The following RCC1L variants were observed in gnomAD, a reference collection of about 807,000 sequenced individuals.
RCC1L encodes RCC1-like G exchanging factor-like protein.
RCC1L carries 46 observed loss-of-function variants against 58.6 expected under a neutral mutation model. The ratio of observed to expected loss-of-function variants is 0.79; its 90% CI spans 0.62 to 1.00. The LOEUF (loss-of-function observed/expected upper bound fraction) is 1.00. Among genes scored for constraint, RCC1L ranks in the 50% least tolerant of loss-of-function variants. RCC1L has a pLI of 0.00. For missense variants in RCC1L, 636 were observed against 623.6 expected, an observed-to-expected ratio of 1.02 and a Z score of -0.21; for synonymous variants, 281 against 262.9, an observed-to-expected ratio of 1.07 and a Z score of -0.67.
At chr7:75,035,918 T>C (rs1805422488) in intron 10 of RCC1L, among the ~76,000 whole-genome samples, 1 of 151,834 alleles carries the variant, frequency 6.6e-6, no homozygotes, top group Non-Finnish European at 1.5e-5. Context: ...GACAGGAGGA[T>C]TGCTTGAGCT....
At chr7:75,073,312 C>G in intron 1 of RCC1L, 102 bp downstream of exon 1, 1 of 519,734 alleles carries the variant, frequency 1.9e-6, no homozygotes, top group Non-Finnish European at 3.1e-6. Context: ...GGAAGTCTGT[C>G]CACCCAGAGG....
intron 3 of RCC1L, among the ~76,000 whole-genome samples, chr7:75,066,017 C>CA (rs587689104): frequency 0.85 from 118,167 of 138,908 alleles, 50,097 homozygotes; most frequent in East Asian, 0.9. Flanking sequence ...GACTCTGTCT[C>CA]AAAAAAAAAA....
rs1222011001 is a variant in RCC1L at position 75,072,138 on chromosome 7, T to TTATACA, written c.324+1270_324+1275dup. Among the ~76,000 whole-genome samples, 56 of 76,294 alleles carry TTATACA rather than the reference T, an allele frequency of 7.3e-4. 2 individuals are homozygous for TTATACA. The highest frequency in any genetic ancestry group is 2.0e-3 in the South Asian group (4 of 2,008). 50.1% of individuals were successfully genotyped at this position (76,294 alleles called of 152,430 possible). On this transcript the variant is annotated intron_variant, in intron 1 of 10. Coordinates refer to ENST00000610322, the MANE Select transcript of RCC1L (RefSeq NM_030798.5). ...TTGTACTCTATTTTGTATTTTAAAT[T>TTATACA]TATACATATACATATACATATACAT...
intron 10 of RCC1L, among the ~76,000 whole-genome samples, chr7:75,034,470 C>A (rs965244994): frequency 6.6e-6 from 1 of 152,014 alleles, no homozygotes; most frequent in Non-Finnish European, 1.5e-5. Flanking sequence ...GAGCTGAGAT[C>A]GCGCCACTGC....
downstream of RCC1L, among the ~76,000 whole-genome samples, chr7:75,039,575 G>A (rs1805501980): frequency 6.6e-6 from 1 of 152,166 alleles, no homozygotes; most frequent in Admixed American, 6.6e-5. Flanking sequence ...CAGGGGCGAA[G>A]AGGATGGAAA....
At chr7:75,030,947 CCCCTCA>C (rs1805285428) in intron 10 of RCC1L, among the ~76,000 whole-genome samples, 1 of 152,182 alleles carries the variant, frequency 6.6e-6, no homozygotes, top group African/African-American at 2.4e-5. Flanking sequence ...GAGACCCCTG[CCCCTCA>C]CCCAAACTTT....
chr7:75,045,222 G>A (rs1400142149), intron 10 of RCC1L, among the ~76,000 whole-genome samples: 1 of 151,878 alleles, frequency 6.6e-6, no homozygotes, highest in Non-Finnish European at 1.5e-5. Context: ...ATGTTGCCGA[G>A]GCTGGATTAT....
chr7:75,065,706 C>G (rs1479148034), intron 3 of RCC1L, among the ~76,000 whole-genome samples: 1 of 152,164 alleles, frequency 6.6e-6, no homozygotes, highest in East Asian at 1.9e-4. Flanking sequence ...AAATAGGCTT[C>G]TTTCAATTCC....
chr7:75,062,268 AAC>A (rs1397928108), intron 5 of RCC1L, among the ~76,000 whole-genome samples: 2 of 152,084 alleles, frequency 1.3e-5, no homozygotes, highest in African/African-American at 2.4e-5. Context: ...CCATAATCCC[AAC>A]AGTTTGGGCA....
In RCC1L at chr7:75,056,083, C is replaced by A. The variant is rs34472859; in HGVS notation, c.1058-9G>T. 0.13 allele frequency: 214,216 copies of A among 1,613,560 alleles called. 15,271 individuals are homozygous for A. Among genetic ancestry groups the A allele is most frequent in the Middle Eastern group, 0.26 (1,549 of 6,056 alleles). On this transcript the variant is annotated splice_polypyrimidine_tract_variant and intron_variant, in intron 8 of 10. Transcript: ENST00000610322. ...AAAAACATGTCCTTCTCCTACATTA[C>A]AGTAAAAACAAGGGTCAGTAAGTCC...
intron 10 of RCC1L, among the ~76,000 whole-genome samples, chr7:75,043,986 C>A (rs1805640703): frequency 6.6e-6 from 1 of 152,190 alleles, no homozygotes; most frequent in East Asian, 1.9e-4. Flanking sequence ...GTCTCAAAGA[C>A]CCTTGCCAGG....
chr7:75,067,883 T>C (rs1806557762), intron 2 of RCC1L, among the ~76,000 whole-genome samples: 1 of 152,046 alleles, frequency 6.6e-6, no homozygotes, highest in Non-Finnish European at 1.5e-5. Context: ...TGGAATTTGC[T>C]TCAAATTTAT....
At chr7:75,051,707 G>C (rs1231990058) in intron 10 of RCC1L, among the ~76,000 whole-genome samples, 1 of 152,054 alleles carries the variant, frequency 6.6e-6, no homozygotes, top group Non-Finnish European at 1.5e-5. Context: ...CACCACACCT[G>C]GTGCAAGTCC....
chr7:75,034,264 C>T (rs1244571277), intron 10 of RCC1L, among the ~76,000 whole-genome samples: 6 of 152,164 alleles, frequency 3.9e-5, no homozygotes, highest in Non-Finnish European at 8.8e-5. Flanking sequence ...ACCTGTGGTC[C>T]TAGCACTTTA....
At chr7:75,048,417 C>T (rs1805810566) in intron 10 of RCC1L, among the ~76,000 whole-genome samples, 1 of 152,212 alleles carries the variant, frequency 6.6e-6, no homozygotes, top group African/African-American at 2.4e-5. Context: ...AGGGGAAGCA[C>T]CGTCTACAGG....
intron 10 of RCC1L, among the ~76,000 whole-genome samples, chr7:75,051,172 G>T (rs1383554401): frequency 7.4e-6 from 1 of 135,834 alleles, no homozygotes; most frequent in African/African-American, 2.7e-5. Context: ...CGATAGTCTT[G>T]GAAAAAATAT....
chr7:75,034,327 G>C (rs1805387479), intron 10 of RCC1L, among the ~76,000 whole-genome samples: 1 of 152,126 alleles, frequency 6.6e-6, no homozygotes, highest in Admixed American at 6.6e-5. Context: ...ACCAGTCTGG[G>C]CAACACAGTG....
chr7:75,039,220 C>T (rs1374643542), downstream of RCC1L, among the ~76,000 whole-genome samples: 1 of 152,168 alleles, frequency 6.6e-6, no homozygotes. Context: ...GGGTGGAAGG[C>T]GAGAGAAATG....
At chr7:75,034,502 C>T (rs1805391611) in intron 10 of RCC1L, among the ~76,000 whole-genome samples, 1 of 152,086 alleles carries the variant, frequency 6.6e-6, no homozygotes, top group Non-Finnish European at 1.5e-5. Context: ...GGCGACAGAG[C>T]GAGACTCCAT....
Sources: allele counts gnomAD v4.1 joint callset (sites outside exome capture counted in the v4.1 genomes callset), GRCh38; gene constraint gnomAD v4.1.1; transcripts MANE v1.5; gene names NCBI Gene and HGNC (gene_info 2026-07-23, HGNC 2026-07-21).